The following NSDHL variants were observed in gnomAD, a reference collection of about 807,000 sequenced individuals.
NSDHL encodes the protein NAD(P) dependent 3-beta-hydroxysteroid dehydrogenase NSDHL.
A neutral mutation model predicts 23.0 loss-of-function variants in NSDHL; 1 was observed. That is an observed-to-expected ratio of 0.04 (90% confidence interval 0.02 to 0.21). NSDHL has a LOEUF of 0.21. Among genes scored for constraint, NSDHL ranks in the 10% least tolerant of loss-of-function variants. The pLI, the probability that NSDHL is intolerant of heterozygous loss-of-function variation, is 1.00. For missense variants in NSDHL, 237 were observed against 300.9 expected (o/e 0.79, Z 1.57); for synonymous variants, 128 against 121.1 (o/e 1.06, Z -0.37).
Position 152,858,899 on chromosome X carries a change from A to C in NSDHL, c.397A>C (p.Lys133Gln). Reference protein sequence around the residue: ...IGTKNVIETCKEAGVQKLILT... With the variant: ...IGTKNVIETCQEAGVQKLILT... Reference sequence around the variant, plus strand: ...CACCAAGAATGTCATTGAAACTTGCAAAGAGGCTGGGGTTCAGGTAAGGGG... The same window carrying C: ...CACCAAGAATGTCATTGAAACTTGCCAAGAGGCTGGGGTTCAGGTAAGGGG... The change falls in exon 4 of 8, where the codon AAA (lysine) becomes CAA (glutamine). Residue 133 changes from lysine to glutamine, a missense_variant. Lys to Gln is a moderately conservative substitution (Grantham distance 53, BLOSUM62 1). Transcript: ENST00000370274. 8.3e-7 allele frequency: 1 copy of C among 1,209,300 alleles called. No homozygotes were observed. The highest frequency in any genetic ancestry group is 1.1e-6 in the Non-Finnish European group (1 of 893,244).
At position 152,869,165 on chromosome X, in the gene NSDHL, C is replaced by A. The variant is rs1556848587; in HGVS notation, c.*49C>A. On this transcript the variant is annotated 3_prime_UTR_variant, in exon 8 of 8. Transcript: ENST00000370274. Reference sequence around the variant, plus strand: ...TCGACACGTTGCTCAGCCAGTCACTCCTTCCCCTGTGGATTGATGAAATAA... The same window carrying A: ...TCGACACGTTGCTCAGCCAGTCACTACTTCCCCTGTGGATTGATGAAATAA... The A allele has an allele frequency of 9.9e-7, 1 of 1,005,976 alleles. No individual in the cohort carries two copies. Among genetic ancestry groups the A allele is most frequent in the Admixed American group, 2.2e-5 (1 of 44,551 alleles). The allele number at this position is 1,005,976 out of a possible 1,213,427, so 82.9% of individuals were successfully genotyped here. A position where few individuals can be genotyped will look rare whatever the true frequency, so the allele number is the denominator to read the frequency against.
At chrX:152,863,427 T>C (rs1933558795) in intron 5 of NSDHL, among the ~76,000 whole-genome samples, 1 of 111,828 alleles carries the variant, frequency 8.9e-6, no homozygotes, top group Non-Finnish European at 1.9e-5. Flanking sequence ...TCGCCTGCTA[T>C]GGGAATTTAC....
chrX:152,850,529 C>T, intron 3 of NSDHL, 106 bp downstream of exon 3: 3 of 841,320 alleles, frequency 3.6e-6, no homozygotes, highest in Non-Finnish European at 5.3e-6. Context: ...ACAATTGTTT[C>T]ATTGTGAAAA....
At chrX:152,853,520 G>T (rs900510760) in intron 3 of NSDHL, among the ~76,000 whole-genome samples, 1 of 111,296 alleles carries the variant, frequency 9.0e-6, no homozygotes, top group Non-Finnish European at 1.9e-5. Flanking sequence ...GATGTTAGAG[G>T]GACTCTTAAT....
chrX:152,839,200 G>A (rs1387687588), intron 1 of NSDHL, among the ~76,000 whole-genome samples: 3 of 111,727 alleles, frequency 2.7e-5, no homozygotes, highest in African/African-American at 6.5e-5. Context: ...GTCACTGCAC[G>A]TGAGATGGGT....
chrX:152,851,294 C>G (rs1430389691), intron 3 of NSDHL, among the ~76,000 whole-genome samples: 2 of 112,060 alleles, frequency 1.8e-5, no homozygotes, highest in African/African-American at 6.5e-5. Flanking sequence ...CATGTCCTCC[C>G]TGACCAAGTA....
intron 3 of NSDHL, among the ~76,000 whole-genome samples, chrX:152,857,969 CTTAA>C (rs1374983280): frequency 7.1e-5 from 8 of 112,426 alleles, no homozygotes; most frequent in African/African-American, 1.3e-4. Context: ...GATCATATTA[CTTAA>C]TTAAGGTTTG....
intron 7 of NSDHL, 29 bp downstream of exon 7, chrX:152,867,702 A>C: frequency 2.9e-6 from 3 of 1,031,561 alleles, no homozygotes; most frequent in African/African-American, 1.8e-5. Flanking sequence ...GTCCCTGCAC[A>C]GGTGCCTTTC....
intron 1 of NSDHL, among the ~76,000 whole-genome samples, chrX:152,837,795 A>T (rs1169066416): frequency 1.8e-5 from 2 of 111,857 alleles, no homozygotes; most frequent in African/African-American, 6.5e-5. Flanking sequence ...TGGTATCAGG[A>T]TGATGCTGGC....
At chrX:152,843,253 A>G (rs113275869) in intron 1 of NSDHL, among the ~76,000 whole-genome samples, 3,038 of 111,722 alleles carry the variant, frequency 0.027, 96 homozygotes, top group African/African-American at 0.093. Context: ...TGCTTTTGCT[A>G]GTCATACAAG....
At chrX:152,841,694 T>G (rs1264277101) in intron 1 of NSDHL, among the ~76,000 whole-genome samples, 1 of 112,786 alleles carries the variant, frequency 8.9e-6, no homozygotes, top group Non-Finnish European at 1.9e-5. Flanking sequence ...AGGCTTCTGA[T>G]GTGTGAACCA....
intron 4 of NSDHL, among the ~76,000 whole-genome samples, chrX:152,861,724 G>A (rs1447486187): frequency 1.8e-5 from 2 of 112,457 alleles, no homozygotes; most frequent in Non-Finnish European, 3.8e-5. Context: ...TGCATATCTC[G>A]TTAAATTTAT....
intron 4 of NSDHL, among the ~76,000 whole-genome samples, chrX:152,861,250 C>G (rs1933523784): frequency 8.8e-6 from 1 of 113,013 alleles, no homozygotes; most frequent in Non-Finnish European, 1.9e-5. Flanking sequence ...TAACTTTCTT[C>G]CATGTGTATA....
chrX:152,847,433 G>T (rs1933290787), intron 2 of NSDHL, among the ~76,000 whole-genome samples: 1 of 112,049 alleles, frequency 8.9e-6, no homozygotes, highest in African/African-American at 3.2e-5. Flanking sequence ...CCTGTATTTG[G>T]TGTAGAACTC....
intron 7 of NSDHL, 105 bp from the exon 8 acceptor site, chrX:152,868,679 A>C (rs1406087380): frequency 3.0e-6 from 2 of 677,886 alleles, no homozygotes; most frequent in Admixed American, 2.2e-5. Context: ...GGAAAGCTGC[A>C]GCAATTAGGC....
chrX:152,836,584 G>A (rs1933100001), intron 1 of NSDHL, among the ~76,000 whole-genome samples: 1 of 111,818 alleles, frequency 8.9e-6, no homozygotes, highest in African/African-American at 3.3e-5. Context: ...TCTTGTTTTT[G>A]TCAGGTTTGT....
intron 1 of NSDHL, among the ~76,000 whole-genome samples, chrX:152,833,970 G>A (rs781838089): frequency 8.9e-6 from 1 of 112,797 alleles, no homozygotes; most frequent in Non-Finnish European, 1.9e-5. Context: ...AACCCTGGGG[G>A]TTTGTTTGAG....
At chrX:152,840,278 TACCA>T (rs1436417791) in intron 1 of NSDHL, among the ~76,000 whole-genome samples, 2 of 112,382 alleles carry the variant, frequency 1.8e-5, no homozygotes, top group African/African-American at 6.5e-5. Flanking sequence ...AGTTTTTTAT[TACCA>T]ACCTTCTGAA....
At chrX:152,835,614 A>G (rs1217325189) in intron 1 of NSDHL, among the ~76,000 whole-genome samples, 3 of 110,934 alleles carry the variant, frequency 2.7e-5, no homozygotes, top group African/African-American at 9.9e-5. Flanking sequence ...CCATGCCCCT[A>G]CAAAGGACAT....
Sources: allele counts gnomAD v4.1 joint callset (sites outside exome capture counted in the v4.1 genomes callset), GRCh38; gene constraint gnomAD v4.1.1; transcripts MANE v1.5; gene names NCBI Gene and HGNC (gene_info 2026-07-23, HGNC 2026-07-21).